LEKR1: variants seen among roughly 807,000 people sequenced by gnomAD.
The protein encoded by LEKR1 is leucine, glutamate and lysine rich 1.
LEKR1 carries 59 observed loss-of-function variants against 72.4 expected under a neutral mutation model. The observed-to-expected ratio is 0.82, with a 90% CI of 0.66 to 1.01. LEKR1 has a LOEUF of 1.01. Ranked by LOEUF, LEKR1 falls within the 50% of genes least tolerant of loss-of-function variation. The probability of loss-of-function intolerance (pLI) is 0.00; values close to 1 mark genes in which losing one functional copy is unlikely to be tolerated. For missense variants in LEKR1, 728 were observed against 759.2 expected, an observed-to-expected ratio of 0.96 and a Z score of 0.48; for synonymous variants, 257 against 263.2, an observed-to-expected ratio of 0.98 and a Z score of 0.23.
intron 4 of LEKR1, among the ~76,000 whole-genome samples, chr3:156,925,888 T>G (rs1432395001): frequency 1.3e-5 from 2 of 152,078 alleles, no homozygotes; most frequent in Non-Finnish European, 2.9e-5. Flanking sequence ...TAAGATATTT[T>G]AGAATGCTTT....
At chr3:156,894,347 T>C (rs867365915) in intron 3 of LEKR1, among the ~76,000 whole-genome samples, 7 of 152,140 alleles carry the variant, frequency 4.6e-5, no homozygotes, top group Non-Finnish European at 4.4e-5. Flanking sequence ...AAAGCATTGC[T>C]CTTCAAGGTG....
chr3:157,007,227 TAAAC>T (rs958939716), intron 9 of LEKR1, among the ~76,000 whole-genome samples: 12 of 151,682 alleles, frequency 7.9e-5, no homozygotes, highest in South Asian at 2.1e-4. Flanking sequence ...AATAAATAAA[TAAAC>T]AAACAAAGAG....
chr3:156,977,052 G>A (rs367769674), intron 6 of LEKR1, among the ~76,000 whole-genome samples: 213 of 152,298 alleles, frequency 1.4e-3, no homozygotes, highest in African/African-American at 4.8e-3. Flanking sequence ...CCTCTCTGAA[G>A]TTCCCATCCT....
At chr3:156,961,087 A>G (rs1268118356) in intron 6 of LEKR1, among the ~76,000 whole-genome samples, 1 of 152,228 alleles carries the variant, frequency 6.6e-6, no homozygotes, top group South Asian at 2.1e-4. Context: ...TTCAGCATTC[A>G]GCTTATTTTT....
intron 6 of LEKR1, among the ~76,000 whole-genome samples, chr3:156,975,619 G>A (rs923495867): frequency 7.9e-5 from 12 of 152,128 alleles, no homozygotes; most frequent in African/African-American, 2.9e-4. Context: ...GGGATAGCAG[G>A]ATTCTCTTAA....
At chr3:156,995,159 TCTGA>T (rs1731458532) in intron 9 of LEKR1, among the ~76,000 whole-genome samples, 2 of 152,330 alleles carry the variant, frequency 1.3e-5, no homozygotes, top group South Asian at 4.1e-4. Flanking sequence ...ATAAATTATC[TCTGA>T]CTGCAGTTTG....
intron 5 of LEKR1, among the ~76,000 whole-genome samples, chr3:156,940,978 A>G (rs1443239270): frequency 2.6e-5 from 4 of 152,122 alleles, no homozygotes; most frequent in African/African-American, 4.8e-5. Flanking sequence ...TTTGGCTACA[A>G]AAATACCCAG....
At chr3:156,878,002 C>T (rs1468641901) in intron 3 of LEKR1, among the ~76,000 whole-genome samples, 1 of 151,910 alleles carries the variant, frequency 6.6e-6, no homozygotes, top group Admixed American at 6.6e-5. Flanking sequence ...AGGCTGGTCT[C>T]GAACTCCTGA....
At chr3:156,854,665 C>T (rs1290790525) in intron 3 of LEKR1, among the ~76,000 whole-genome samples, 2 of 151,390 alleles carry the variant, frequency 1.3e-5, no homozygotes, top group African/African-American at 2.4e-5. Context: ...CTTAGCCTCC[C>T]GAGTAGCTGG....
chr3:156,877,846 G>A (rs1283235659), intron 3 of LEKR1, among the ~76,000 whole-genome samples: 2 of 152,010 alleles, frequency 1.3e-5, no homozygotes, highest in Non-Finnish European at 2.9e-5. Flanking sequence ...GCAGTGGCAC[G>A]ATCTCGGCTC....
intron 3 of LEKR1, among the ~76,000 whole-genome samples, chr3:156,908,290 G>GT (rs1248734264): frequency 2.6e-5 from 4 of 151,972 alleles, no homozygotes; most frequent in Non-Finnish European, 5.9e-5. Flanking sequence ...CCTTTTACCT[G>GT]TTTTTTCAGT....
At chr3:156,980,416 G>C (rs1166115463) in intron 7 of LEKR1, among the ~76,000 whole-genome samples, 1 of 152,166 alleles carries the variant, frequency 6.6e-6, no homozygotes, top group African/African-American at 2.4e-5. Context: ...GTGGTTAATA[G>C]TACAGTAAGT....
intron 6 of LEKR1, among the ~76,000 whole-genome samples, chr3:156,972,258 G>A (rs1215900520): frequency 1.4e-4 from 21 of 151,482 alleles, no homozygotes; most frequent in African/African-American, 4.6e-4. Flanking sequence ...ACCAAACACC[G>A]CATGTTCTCA....
intron 3 of LEKR1, among the ~76,000 whole-genome samples, chr3:156,853,503 A>G (rs1715651200): frequency 6.6e-6 from 1 of 152,072 alleles, no homozygotes; most frequent in Non-Finnish European, 1.5e-5. Context: ...AAGACACTTC[A>G]GTGAGCCTAC....
At chr3:156,877,686 G>A (rs1322239294) in intron 3 of LEKR1, among the ~76,000 whole-genome samples, 2 of 151,746 alleles carry the variant, frequency 1.3e-5, no homozygotes, top group Non-Finnish European at 2.9e-5. Context: ...TTTCCAATTG[G>A]GCTTATTTGG....
intron 5 of LEKR1, among the ~76,000 whole-genome samples, chr3:156,935,264 G>A (rs1055700113): frequency 1.3e-5 from 2 of 152,162 alleles, no homozygotes; most frequent in Non-Finnish European, 2.9e-5. Context: ...GCACACATGA[G>A]GACAGTATAT....
At chr3:156,907,509 G>A (rs1402631702) in intron 3 of LEKR1, among the ~76,000 whole-genome samples, 1 of 151,916 alleles carries the variant, frequency 6.6e-6, no homozygotes, top group Admixed American at 6.6e-5. Flanking sequence ...CATGAAGACT[G>A]TTTCCTTTTT....
intron 3 of LEKR1, among the ~76,000 whole-genome samples, chr3:156,875,483 T>C (rs1718448998): frequency 6.6e-6 from 1 of 152,202 alleles, no homozygotes; most frequent in African/African-American, 2.4e-5. Context: ...GCGGTCTGTT[T>C]ACTCTGCTGA....
At chr3:156,851,526 TTA>T (rs112400094) in intron 2 of LEKR1, among the ~76,000 whole-genome samples, 5 of 151,288 alleles carry the variant, frequency 3.3e-5, no homozygotes, top group African/African-American at 9.6e-5. Context: ...CAGATTATCT[TTA>T]TGATTACTTT....
Sources: gnomAD v4.1 joint callset for allele counts (sites outside exome capture counted in the v4.1 genomes callset) on GRCh38, gnomAD v4.1.1 for gene constraint, MANE v1.5 for transcripts, NCBI Gene and HGNC (gene_info 2026-07-23, HGNC 2026-07-21) for gene names.